DCDC1: variants seen among roughly 807,000 people sequenced by gnomAD.
The protein encoded by DCDC1 is doublecortin domain containing 1.
In DCDC1, 200 loss-of-function variants were observed where a neutral mutation model predicts 178.3. The observed-to-expected ratio is 1.12, with a 90% CI of 1.00 to 1.26. The LOEUF (loss-of-function observed/expected upper bound fraction) is 1.26, where lower values mean the gene tolerates loss of function less well. Among genes scored for constraint, DCDC1 ranks in the 50% most tolerant of loss-of-function variants. The pLI is 0.00. For missense variants in DCDC1, 1,983 were observed against 1,749.2 expected (o/e 1.13, Z -2.38); for synonymous variants, 690 against 604.8 (o/e 1.14, Z -2.07).
chr11:30,914,925 T>A lies in DCDC1; in HGVS notation c.3653+586A>T, dbSNP rs529207398. Among the ~76,000 whole-genome samples the A allele has an allele frequency of 3.3e-5, 5 of 152,316 alleles. No individual in the cohort carries two copies. In the South Asian group the frequency reaches 1.0e-3, roughly 32 times the overall value. ...TAATGTCATCAGATAGCCAAGCTGTTTTATATTTCTCCTGATTATCTCAAA... is the reference window on the plus strand; with the variant it reads ...TAATGTCATCAGATAGCCAAGCTGTATTATATTTCTCCTGATTATCTCAAA... On this transcript the variant is annotated intron_variant, in intron 27 of 38. Transcript: ENST00000684477.
At chr11:31,045,324 T>C (rs1470817073) in intron 20 of DCDC1, among the ~76,000 whole-genome samples, 1 of 151,988 alleles carries the variant, frequency 6.6e-6, no homozygotes, top group East Asian at 1.9e-4. Flanking sequence ...TTCTTACACG[T>C]GACGGAGGGC....
At chr11:31,242,791 T>C (rs1173910644) in intron 8 of DCDC1, among the ~76,000 whole-genome samples, 1 of 151,910 alleles carries the variant, frequency 6.6e-6, no homozygotes, top group Non-Finnish European at 1.5e-5. Context: ...GCTACTGGTA[T>C]TCTGCTAAAT....
chr11:31,185,983 G>A lies in DCDC1; in HGVS notation c.1222-48199C>T, dbSNP rs58180113. On this transcript the variant is annotated intron_variant, in intron 9 of 38. Coordinates refer to ENST00000684477, the MANE Select transcript of DCDC1 (RefSeq NM_001387274.1). ...GTGCTAATATGCCCTTCATTTTCTC[G>A]TTTAGATAATGCTCTCAAATACCTC... 7.1e-3 allele frequency among the ~76,000 whole-genome samples: 1,081 copies of A among 152,154 alleles called. 9 individuals carry two copies. The highest frequency in any genetic ancestry group is 0.025 in the African/African-American group (1,041 of 41,486).
chr11:30,890,774 A>G (rs546307845), intron 36 of DCDC1, among the ~76,000 whole-genome samples: 40 of 152,352 alleles, frequency 2.6e-4, no homozygotes, highest in Non-Finnish European at 4.6e-4. Flanking sequence ...CATGCTTTAC[A>G]TAATGCTTCT....
At chr11:30,936,265 TAATAACTCATAG>T (rs769614143) in intron 21 of DCDC1, among the ~76,000 whole-genome samples, 1 of 152,210 alleles carries the variant, frequency 6.6e-6, no homozygotes, top group Non-Finnish European at 1.5e-5. Flanking sequence ...CGAGTCCATA[TAATAACTCATAG>T]AGGGACAATC....
intron 10 of DCDC1, among the ~76,000 whole-genome samples, chr11:31,134,233 G>A (rs1962830254): frequency 1.3e-5 from 2 of 152,172 alleles, no homozygotes; most frequent in African/African-American, 4.8e-5. Context: ...TAGCAACAAG[G>A]ATGATGTCAA....
chr11:30,945,090 T>C (rs972215615), intron 21 of DCDC1, among the ~76,000 whole-genome samples: 4 of 142,868 alleles, frequency 2.8e-5, no homozygotes, highest in African/African-American at 1.0e-4. Flanking sequence ...TGCCTCAGCC[T>C]CCTGAGTAGC....
chr11:31,006,376 G>A (rs1951847248), intron 20 of DCDC1, among the ~76,000 whole-genome samples: 1 of 152,088 alleles, frequency 6.6e-6, no homozygotes, highest in African/African-American at 2.4e-5. Flanking sequence ...TTCCCATAGA[G>A]AACACATTCT....
Position 31,329,383 on chromosome 11 carries a change from C to T in DCDC1, c.-6-1097G>A, listed in dbSNP as rs1448860952. Among the ~76,000 whole-genome samples, 18 of 138,002 alleles carry T rather than the reference C, an allele frequency of 1.3e-4. No homozygotes were observed. In the East Asian group the frequency reaches 2.1e-3, roughly 16 times the overall value. 90.5% of individuals were successfully genotyped at this position (138,002 alleles called of 152,430 possible). A position where few individuals can be genotyped will look rare whatever the true frequency, so the allele number is the denominator to read the frequency against. On this transcript the variant is annotated intron_variant, in intron 2 of 38. Transcript: ENST00000684477. ...TTTCTTTGCTTAAGCTAGTTGGAGTCGGGATTTTCCATTTTTTTTTATTAC... is the reference window on the plus strand; with the variant it reads ...TTTCTTTGCTTAAGCTAGTTGGAGTTGGGATTTTCCATTTTTTTTTATTAC...
intron 9 of DCDC1, among the ~76,000 whole-genome samples, chr11:31,196,830 G>A (rs1221655749): frequency 6.6e-6 from 1 of 152,066 alleles, no homozygotes; most frequent in Admixed American, 6.6e-5. Flanking sequence ...GGATATGGTT[G>A]AAAGTTCCAA....
intron 21 of DCDC1, among the ~76,000 whole-genome samples, chr11:30,940,627 ATAT>A (rs1212285387): frequency 3.3e-5 from 5 of 152,090 alleles, no homozygotes; most frequent in African/African-American, 1.2e-4. Context: ...AACATTTTTA[ATAT>A]TATTATTTTT....
intron 9 of DCDC1, among the ~76,000 whole-genome samples, chr11:31,238,824 T>A (rs559656869): frequency 6.6e-6 from 1 of 152,098 alleles, no homozygotes; most frequent in Non-Finnish European, 1.5e-5. Flanking sequence ...CTGTTCTAAA[T>A]AAAATATCTC....
rs887864674 is a variant in DCDC1, at chr11:31,200,946, GA to G, written c.1221+40503del. Among the ~76,000 whole-genome samples the G allele has an allele frequency of 6.7e-3, 988 of 146,680 alleles. 14 individuals are homozygous for G. Among genetic ancestry groups the G allele is most frequent in the African/African-American group, 0.023 (894 of 39,686 alleles). ...CATTGAGTATTACTTGCTCTTAGGAGAAAAAAAAAAACAAAAAATCTTCTAG... is the reference window on the plus strand; with the variant it reads ...CATTGAGTATTACTTGCTCTTAGGAGAAAAAAAAAACAAAAAATCTTCTAG... On this transcript the variant is annotated intron_variant, in intron 9 of 38. Coordinates refer to ENST00000684477, the MANE Select transcript of DCDC1 (RefSeq NM_001387274.1).
At chr11:30,898,183 A>G (rs1944380288) in intron 34 of DCDC1, among the ~76,000 whole-genome samples, 1 of 152,142 alleles carries the variant, frequency 6.6e-6, no homozygotes. Flanking sequence ...AGTTTCAAGG[A>G]TTTGTCCTAA....
At chr11:31,121,418 T>C (rs1230400014) in intron 11 of DCDC1, among the ~76,000 whole-genome samples, 2 of 147,076 alleles carry the variant, frequency 1.4e-5, no homozygotes, top group Non-Finnish European at 3.0e-5. Flanking sequence ...TGCTCCCGGT[T>C]TTTTATCTTG....
At chr11:30,947,981 A>T (rs986371819) in intron 21 of DCDC1, among the ~76,000 whole-genome samples, 1 of 152,156 alleles carries the variant, frequency 6.6e-6, no homozygotes. Context: ...TATTCAACAT[A>T]GTATTGGAAG....
Position 31,325,044 on chromosome 11 carries a change from T to C in DCDC1, c.164+3073A>G, listed in dbSNP as rs181332613. Among the ~76,000 whole-genome samples, 633 of 152,268 alleles carry C rather than the reference T, an allele frequency of 4.2e-3. 2 individuals are homozygous for C. Among genetic ancestry groups the C allele is most frequent in the African/African-American group, 0.015 (611 of 41,560 alleles). Reference sequence around the variant, plus strand: ...GGATAAAAAATACTATAACTTCCCATTATAAAAATCATTAAATCACATTCC... The same window carrying C: ...GGATAAAAAATACTATAACTTCCCACTATAAAAATCATTAAATCACATTCC... On this transcript the variant is annotated intron_variant, in intron 3 of 38. Coordinates refer to ENST00000684477, the MANE Select transcript of DCDC1 (RefSeq NM_001387274.1).
chr11:30,919,736 T>C (rs273607), intron 25 of DCDC1, among the ~76,000 whole-genome samples: 15,253 of 152,268 alleles, frequency 0.1, 945 homozygotes, highest in Admixed American at 0.19. Flanking sequence ...GTTCATATTC[T>C]TATAATTGAG....
At chr11:31,199,646 C>T (rs1486474220) in intron 9 of DCDC1, among the ~76,000 whole-genome samples, 1 of 152,048 alleles carries the variant, frequency 6.6e-6, no homozygotes, top group African/African-American at 2.4e-5. Context: ...GACATTCCTT[C>T]TGATGTTGAT....
Sources: gnomAD v4.1 joint callset for allele counts (sites outside exome capture counted in the v4.1 genomes callset) on GRCh38, gnomAD v4.1.1 for gene constraint, MANE v1.5 for transcripts, NCBI Gene and HGNC (gene_info 2026-07-23, HGNC 2026-07-21) for gene names.